The following SAMMSON variants were observed in gnomAD, a reference collection of about 807,000 sequenced individuals.
SAMMSON encodes survival associated mitochondrial melanoma specific oncogenic non-coding RNA.
chr3:70,260,952 A>AT (rs1701860320), intron 6 of SAMMSON, among the ~76,000 whole-genome samples: 1 of 152,048 alleles, frequency 6.6e-6, no homozygotes, highest in African/African-American at 2.4e-5. Context: ...AAGATAAGTG[A>AT]TTTTCTCAAG....
At chr3:70,223,114 C>T (rs115605032) in intron 4 of SAMMSON, among the ~76,000 whole-genome samples, 2,926 of 152,238 alleles carry the variant, frequency 0.019, 34 homozygotes, top group Non-Finnish European at 0.03. Context: ...CCCTCTGACA[C>T]CTGCTTCTGA....
At chr3:70,318,578 C>A (rs1702512111) in intron 7 of SAMMSON, among the ~76,000 whole-genome samples, 1 of 151,720 alleles carries the variant, frequency 6.6e-6, no homozygotes, top group East Asian at 1.9e-4. Context: ...ATTTATTATA[C>A]CTAGTTTAAA....
chr3:70,081,635 T>G (rs1209399017), intron 4 of SAMMSON, among the ~76,000 whole-genome samples: 3 of 152,164 alleles, frequency 2.0e-5, no homozygotes, highest in African/African-American at 7.2e-5. Context: ...TATAGTGACA[T>G]AGTATGGGCT....
chr3:70,142,941 C>T (rs4974260), intron 4 of SAMMSON, among the ~76,000 whole-genome samples: 69,515 of 151,918 alleles, frequency 0.46, 16,963 homozygotes, highest in Non-Finnish European at 0.52. Context: ...GGAAGAAGCC[C>T]TTCATCTCAT....
intron 3 of SAMMSON, among the ~76,000 whole-genome samples, chr3:70,043,594 A>G (rs1449367071): frequency 6.6e-6 from 1 of 152,042 alleles, no homozygotes; most frequent in African/African-American, 2.4e-5. Flanking sequence ...ACTGGGTACC[A>G]GTAGTTTTTT....
At chr3:70,344,506 A>T (rs1446017222) in intron 7 of SAMMSON, among the ~76,000 whole-genome samples, 1 of 152,184 alleles carries the variant, frequency 6.6e-6, no homozygotes, top group African/African-American at 2.4e-5. Flanking sequence ...TCAAGTCTGC[A>T]TGCAACCTGA....
chr3:70,358,347 A>G (rs1461307848), intron 9 of SAMMSON: 1 of 152,156 alleles, frequency 6.6e-6, no homozygotes, highest in Non-Finnish European at 1.5e-5. Flanking sequence ...CTACTATGGC[A>G]TGAGTATTTA....
chr3:70,136,948 T>G (rs9817902), intron 4 of SAMMSON, among the ~76,000 whole-genome samples: 44,694 of 152,086 alleles, frequency 0.29, 7,046 homozygotes, highest in East Asian at 0.52. Context: ...TCTTTATGTG[T>G]ATATGATAAA....
chr3:70,333,828 A>T lies in SAMMSON; in HGVS notation n.740-20347A>T, dbSNP rs371332726. ...TCCAAATGGAGTGGAGTGACAGGAT[A>T]ACCCAATGAAGCATGTGAAGAAACT... is the stretch of plus-strand genomic sequence containing the variant. On this transcript the variant is annotated intron_variant and non_coding_transcript_variant, in intron 7 of 9. Transcript: ENST00000642114. 5.3e-5 allele frequency among the ~76,000 whole-genome samples: 8 copies of T among 152,328 alleles called. No individual in the cohort carries two copies. In the East Asian group the frequency reaches 1.3e-3, roughly 26 times the overall value.
At chr3:70,151,424 ATGAGTTACAATCCCAAC>A (rs1427689330) in intron 4 of SAMMSON, among the ~76,000 whole-genome samples, 1 of 152,042 alleles carries the variant, frequency 6.6e-6, no homozygotes, top group Non-Finnish European at 1.5e-5. Flanking sequence ...CTCTATTATT[ATGAGTTACAATCCCAAC>A]TGGATTTCTG....
intron 2 of SAMMSON, among the ~76,000 whole-genome samples, chr3:70,432,333 G>A (rs1393678791): frequency 6.7e-6 from 1 of 149,878 alleles, no homozygotes; most frequent in East Asian, 2.0e-4. Context: ...ATGTTTATTA[G>A]GCCATCCATC....
chr3:70,022,782 A>T (rs1355055493), intron 3 of SAMMSON, among the ~76,000 whole-genome samples: 1 of 152,180 alleles, frequency 6.6e-6, no homozygotes, highest in Non-Finnish European at 1.5e-5. Flanking sequence ...TAAAAGATTC[A>T]AGTTTCATTT....
At chr3:70,265,519 T>C (rs887659857) in intron 6 of SAMMSON, among the ~76,000 whole-genome samples, 2 of 149,342 alleles carry the variant, frequency 1.3e-5, no homozygotes, top group Non-Finnish European at 3.0e-5. Flanking sequence ...AACACACAAG[T>C]TCATGAGCGA....
intron 2 of SAMMSON, among the ~76,000 whole-genome samples, chr3:70,422,756 T>C (rs1226546436): frequency 5.9e-5 from 9 of 151,836 alleles, no homozygotes; most frequent in African/African-American, 2.2e-4. Context: ...GTGGCACCCA[T>C]ATAAATAAAA....
chr3:70,117,913 T>TTTTA (rs2047559881), intron 4 of SAMMSON, among the ~76,000 whole-genome samples: 1 of 152,132 alleles, frequency 6.6e-6, no homozygotes, highest in Non-Finnish European at 1.5e-5. Context: ...TTTAATTTAA[T>TTTTA]TTTATTTATT....
chr3:70,295,109 C>G (rs1374143956), intron 7 of SAMMSON, among the ~76,000 whole-genome samples: 1 of 152,086 alleles, frequency 6.6e-6, no homozygotes, highest in Non-Finnish European at 1.5e-5. Flanking sequence ...TGGGTTAAAC[C>G]AGTCAGAATT....
intron 6 of SAMMSON, among the ~76,000 whole-genome samples, chr3:70,285,473 T>C (rs985365475): frequency 2.6e-5 from 4 of 151,980 alleles, no homozygotes; most frequent in African/African-American, 9.7e-5. Flanking sequence ...GACATTTGGG[T>C]TGGTTCCAAG....
intron 3 of SAMMSON, among the ~76,000 whole-genome samples, chr3:70,035,020 G>A (rs9826015): frequency 0.046 from 6,963 of 152,228 alleles, 359 homozygotes; most frequent in African/African-American, 0.12. Context: ...TCAGAAGTCT[G>A]AGGGGGCTTG....
At chr3:70,308,941 A>G (rs999412195) in intron 7 of SAMMSON, among the ~76,000 whole-genome samples, 3 of 152,160 alleles carry the variant, frequency 2.0e-5, no homozygotes, top group Admixed American at 2.0e-4. Context: ...CCACATTTTA[A>G]CAGTGAGCAG....
Sources: allele counts gnomAD v4.1 joint callset (sites outside exome capture counted in the v4.1 genomes callset), GRCh38; gene constraint gnomAD v4.1.1; transcripts MANE v1.5; gene names NCBI Gene and HGNC (gene_info 2026-07-23, HGNC 2026-07-21).